The following TMEM245 variants were observed in gnomAD, a reference collection of about 807,000 sequenced individuals.
TMEM245 encodes protein CG-2.
TMEM245 carries 69 observed loss-of-function variants against 101.2 expected under a neutral mutation model. The ratio of observed to expected loss-of-function variants is 0.68; its 90% CI spans 0.56 to 0.83. The LOEUF (loss-of-function observed/expected upper bound fraction) is 0.83. Ranked by LOEUF, TMEM245 falls within the 40% of genes least tolerant of loss-of-function variation. The pLI, the probability that TMEM245 is intolerant of heterozygous loss-of-function variation, is 0.00. For synonymous variants in TMEM245, 537 were observed against 449.8 expected, an observed-to-expected ratio of 1.19 and a Z score of -2.45; for missense variants, 1,075 against 1,092.8, an observed-to-expected ratio of 0.98 and a Z score of 0.23.
intron 15 of TMEM245, among the ~76,000 whole-genome samples, chr9:109,037,386 AGGGCAACTGATAC>A (rs1157926318): frequency 6.6e-6 from 1 of 152,212 alleles, no homozygotes; most frequent in African/African-American, 2.4e-5. Context: ...ACAAACATGT[AGGGCAACTGATAC>A]GGGTTTGGAT....
chr9:109,032,178 A>C (rs1827962811), intron 17 of TMEM245, among the ~76,000 whole-genome samples: 1 of 152,072 alleles, frequency 6.6e-6, no homozygotes, highest in Non-Finnish European at 1.5e-5. Flanking sequence ...ATGACTGGTT[A>C]TCATTGTATC....
intron 17 of TMEM245, among the ~76,000 whole-genome samples, chr9:109,021,766 C>G (rs1827630783): frequency 6.6e-6 from 1 of 152,058 alleles, no homozygotes; most frequent in Admixed American, 6.5e-5. Context: ...TCATGCCACT[C>G]CAGGCCAGCC....
intron 1 of TMEM245, among the ~76,000 whole-genome samples, chr9:109,117,062 C>T (rs909170808): frequency 6.6e-6 from 1 of 152,056 alleles, no homozygotes; most frequent in Admixed American, 6.6e-5. Context: ...AACCCTCTCT[C>T]TTTTTCCTTG....
intron 15 of TMEM245, among the ~76,000 whole-genome samples, chr9:109,036,795 G>T (rs1828140587): frequency 1.3e-5 from 2 of 152,138 alleles, no homozygotes; most frequent in African/African-American, 4.8e-5. Context: ...AAAAAATCCT[G>T]AGTTGAAGGA....
In TMEM245 at chr9:109,116,975, T is replaced by G. The variant is rs904109799; in HGVS notation, c.579+2360A>C. ...TAAACTCAGATTGACCTGAAGGTTCTTTCAAATTTAGCCCTTCTACCACTC... is the reference window on the plus strand; with the variant it reads ...TAAACTCAGATTGACCTGAAGGTTCGTTCAAATTTAGCCCTTCTACCACTC... On this transcript the variant is annotated intron_variant, in intron 1 of 17. Transcript: ENST00000374586. Among the ~76,000 whole-genome samples the G allele has an allele frequency of 3.9e-5, 6 of 152,190 alleles. No individual in the cohort carries two copies. The East Asian group carries it at 1.2e-3, about 29-fold the overall frequency.
chr9:109,095,333 A>G (rs188272124), intron 3 of TMEM245, among the ~76,000 whole-genome samples: 1 of 152,326 alleles, frequency 6.6e-6, no homozygotes, highest in African/African-American at 2.4e-5. Context: ...AGTATAGTAA[A>G]GGTATGAATT....
At chr9:109,106,933 C>T (rs374974763) in intron 2 of TMEM245, among the ~76,000 whole-genome samples, 6 of 152,076 alleles carry the variant, frequency 3.9e-5, no homozygotes, top group African/African-American at 1.4e-4. Flanking sequence ...TCTACTTCAC[C>T]CCAGAATGAC....
At chr9:109,099,126 C>G (rs532012470) in intron 3 of TMEM245, among the ~76,000 whole-genome samples, 4 of 152,298 alleles carry the variant, frequency 2.6e-5, no homozygotes, top group Middle Eastern at 3.4e-3. Context: ...CCCCAGCCTG[C>G]AAAGTTCCCT....
rs1263513254 is a variant in TMEM245, at chr9:109,038,119, T to C, written c.2124-2A>G. 2 of 1,609,192 alleles carry C rather than the reference T, an allele frequency of 1.2e-6. No individual in the cohort carries two copies. The highest frequency in any genetic ancestry group is 3.4e-5 in the Admixed American group (2 of 59,092). ...TTGAGGGAAGCATCAAACACCCCTC[T>C]GGAATGCCCAAAGATAAAAAGAAAG... is the stretch of plus-strand genomic sequence containing the variant. On this transcript the variant is annotated splice_acceptor_variant, in intron 14 of 17. Coordinates refer to ENST00000374586, the MANE Select transcript of TMEM245 (RefSeq NM_032012.4). LOFTEE classifies it high-confidence loss of function.
At chr9:109,066,541 T>C (rs1285989044) in intron 9 of TMEM245, among the ~76,000 whole-genome samples, 2 of 148,322 alleles carry the variant, frequency 1.3e-5, no homozygotes, top group African/African-American at 5.0e-5. Context: ...ATTTACAGTA[T>C]AAGCATATAA....
chr9:109,085,724 C>A (rs1829811332), intron 7 of TMEM245, among the ~76,000 whole-genome samples: 1 of 152,192 alleles, frequency 6.6e-6, no homozygotes, highest in Non-Finnish European at 1.5e-5. Context: ...ATTTACAGAA[C>A]TGGATTTACA....
At chr9:109,078,000 A>G (rs1354378453) in intron 8 of TMEM245, among the ~76,000 whole-genome samples, 1 of 152,144 alleles carries the variant, frequency 6.6e-6, no homozygotes, top group Non-Finnish European at 1.5e-5. Flanking sequence ...TTGTTCCTGC[A>G]CTGCCTTTTG....
At chr9:109,116,224 AG>A (rs959068278) in intron 1 of TMEM245, among the ~76,000 whole-genome samples, 18 of 152,358 alleles carry the variant, frequency 1.2e-4, no homozygotes, top group Admixed American at 1.0e-3. Context: ...AAAGTAGCCT[AG>A]AAAGCATAAA....
chr9:109,052,926 T>G (rs1334200344), intron 12 of TMEM245, among the ~76,000 whole-genome samples: 1 of 152,006 alleles, frequency 6.6e-6, no homozygotes, highest in Non-Finnish European at 1.5e-5. Context: ...AACAAAAAAG[T>G]AACCTTTCCT....
At chr9:109,087,150 C>T (rs780489632) in intron 6 of TMEM245, 23 bp downstream of exon 6, 3 of 1,588,354 alleles carry the variant, frequency 1.9e-6, no homozygotes, top group Non-Finnish European at 2.6e-6. Flanking sequence ...ATTAAGACAG[C>T]CCAAGTCCTT....
intron 7 of TMEM245, among the ~76,000 whole-genome samples, chr9:109,084,179 CTTGAA>C (rs769906360): frequency 1.4e-3 from 210 of 152,158 alleles, no homozygotes; most frequent in Non-Finnish European, 2.4e-3. Context: ...CCTCTCTTCT[CTTGAA>C]TTGGTTTCCT....
intron 7 of TMEM245, among the ~76,000 whole-genome samples, chr9:109,081,737 G>A (rs1253380881): frequency 6.6e-6 from 1 of 152,054 alleles, no homozygotes; most frequent in African/African-American, 2.4e-5. Context: ...GAAAACATAA[G>A]CTTTATGACA....
At chr9:109,057,371 A>G in intron 11 of TMEM245, 49 bp from the exon 12 acceptor site, 1 of 1,588,146 alleles carries the variant, frequency 6.3e-7, no homozygotes. Context: ...TAATCTAAAG[A>G]ACAGAAAGTA....
chr9:109,080,794 A>G (rs1829644654), intron 8 of TMEM245, 45 bp downstream of exon 8: 2 of 1,225,286 alleles, frequency 1.6e-6, no homozygotes, highest in South Asian at 1.3e-5. Context: ...TACAATTCTA[A>G]CAATTAAGGG....
Sources: allele counts gnomAD v4.1 joint callset (sites outside exome capture counted in the v4.1 genomes callset), GRCh38; gene constraint gnomAD v4.1.1; transcripts MANE v1.5; gene names NCBI Gene and HGNC (gene_info 2026-07-23, HGNC 2026-07-21).